Variants in PPP1R9A observed in about 807,000 individuals in gnomAD.
PPP1R9A encodes the protein neurabin-1.
Under a neutral mutation model 141.9 loss-of-function variants are expected in PPP1R9A, and 59 were observed. The ratio of observed to expected loss-of-function variants is 0.42; its 90% CI spans 0.34 to 0.52. PPP1R9A has a LOEUF of 0.52. Ranked by LOEUF, PPP1R9A falls within the 20% of genes least tolerant of loss-of-function variation. PPP1R9A has a pLI of 0.10. For synonymous variants in PPP1R9A, 500 were observed against 569.7 expected (o/e 0.88, Z 1.74); for missense variants, 1,444 against 1,611.9 (o/e 0.90, Z 1.78).
intron 2 of PPP1R9A, among the ~76,000 whole-genome samples, chr7:94,995,975 T>C (rs1342901971): frequency 6.6e-6 from 1 of 152,186 alleles, no homozygotes; most frequent in Non-Finnish European, 1.5e-5. Context: ...TGGATCTTGC[T>C]TTAAAAAGTT....
At chr7:95,064,110 T>C (rs1417126768) in intron 2 of PPP1R9A, among the ~76,000 whole-genome samples, 1 of 152,214 alleles carries the variant, frequency 6.6e-6, no homozygotes, top group Non-Finnish European at 1.5e-5. Context: ...ATTTAAGTTC[T>C]GTAAAGTCAC....
At chr7:95,177,236 GA>G (rs1833034955) in intron 5 of PPP1R9A, among the ~76,000 whole-genome samples, 2 of 151,990 alleles carry the variant, frequency 1.3e-5, no homozygotes, top group Non-Finnish European at 2.9e-5. Flanking sequence ...ACAAAACAAT[GA>G]TCACCCAAGA....
Position 95,195,285 on chromosome 7 carries a change from T to G in PPP1R9A, c.1755-3064T>G, listed in dbSNP as rs1404308449. On this transcript the variant is annotated intron_variant, in intron 5 of 19. Transcript: ENST00000433360. ...ATAGGAAGCAAAAGCCATCAGTTTT[T>G]TTTTTTTTTTCTTGAGACAGGGTCT... 3.3e-5 allele frequency among the ~76,000 whole-genome samples: 5 copies of G among 151,762 alleles called. No homozygotes were observed. The South Asian group carries it at 8.3e-4, about 25-fold the overall frequency.
intron 16 of PPP1R9A, among the ~76,000 whole-genome samples, chr7:95,278,815 G>T (rs1803646785): frequency 6.6e-6 from 1 of 152,036 alleles, no homozygotes; most frequent in Admixed American, 6.6e-5. Flanking sequence ...ATGTCAATAT[G>T]GTTAAAAGCC....
chr7:95,084,972 A>G (rs1005987441), intron 2 of PPP1R9A, among the ~76,000 whole-genome samples: 2 of 151,890 alleles, frequency 1.3e-5, no homozygotes, highest in Non-Finnish European at 2.9e-5. Flanking sequence ...TCGTATATGT[A>G]TCTTTACCGT....
intron 2 of PPP1R9A, among the ~76,000 whole-genome samples, chr7:95,046,017 A>G (rs1809954947): frequency 6.6e-6 from 1 of 151,340 alleles, no homozygotes; most frequent in Non-Finnish European, 1.5e-5. Flanking sequence ...ATTAGGTAGT[A>G]TTTCTTTTCT....
chr7:95,275,277 G>A (rs750317603), intron 16 of PPP1R9A, among the ~76,000 whole-genome samples: 22 of 151,884 alleles, frequency 1.4e-4, no homozygotes, highest in Non-Finnish European at 2.4e-4. Flanking sequence ...GCGTGGTGGC[G>A]CACACCTGTA....
intron 3 of PPP1R9A, 87 bp from the exon 4 acceptor site, chr7:95,120,625 G>T: frequency 7.1e-7 from 1 of 1,411,248 alleles, no homozygotes; most frequent in Non-Finnish European, 9.6e-7. Context: ...AATAAAATTA[G>T]AAACAGCAAG....
intron 17 of PPP1R9A, among the ~76,000 whole-genome samples, chr7:95,285,927 C>A (rs1016574135): frequency 2.0e-5 from 3 of 152,174 alleles, no homozygotes; most frequent in Non-Finnish European, 4.4e-5. Flanking sequence ...TTCCTCTGAG[C>A]AGTTGCAGAG....
chr7:95,117,274 C>G (rs1002807894), intron 3 of PPP1R9A, among the ~76,000 whole-genome samples: 2 of 151,838 alleles, frequency 1.3e-5, no homozygotes, highest in Admixed American at 1.3e-4. Flanking sequence ...CAGCTGGGTT[C>G]TCGATGGGTC....
At chr7:95,015,506 A>G (rs1346778642) in intron 2 of PPP1R9A, among the ~76,000 whole-genome samples, 4 of 152,124 alleles carry the variant, frequency 2.6e-5, no homozygotes, top group Non-Finnish European at 5.9e-5. Context: ...TCAGTGAACT[A>G]GAAGATAGAT....
chr7:95,107,063 T>C (rs1819634485), intron 2 of PPP1R9A, among the ~76,000 whole-genome samples: 1 of 152,194 alleles, frequency 6.6e-6, no homozygotes, highest in South Asian at 2.1e-4. Flanking sequence ...ATTACAGGCA[T>C]GAGCCACTGT....
At chr7:94,975,144 A>G (rs989307630) in intron 2 of PPP1R9A, among the ~76,000 whole-genome samples, 7 of 152,232 alleles carry the variant, frequency 4.6e-5, no homozygotes, top group African/African-American at 1.7e-4. Flanking sequence ...TTAGTATATA[A>G]CATACTCTGG....
chr7:95,068,716 TGTG>T (rs142839749), intron 2 of PPP1R9A, among the ~76,000 whole-genome samples: 15,214 of 151,960 alleles, frequency 0.1, 1,200 homozygotes, highest in African/African-American at 0.22. Context: ...TCAGCATCCC[TGTG>T]GTGGATAGTG....
At chr7:95,074,574 A>G (rs1006794126) in intron 2 of PPP1R9A, among the ~76,000 whole-genome samples, 2 of 151,156 alleles carry the variant, frequency 1.3e-5, no homozygotes, top group Admixed American at 1.3e-4. Context: ...TCCCAGGTTC[A>G]AGTGATTCTG....
chr7:94,967,207 T>G (rs1430483520), intron 2 of PPP1R9A, among the ~76,000 whole-genome samples: 3 of 152,186 alleles, frequency 2.0e-5, no homozygotes, highest in Admixed American at 6.5e-5. Flanking sequence ...TCTTATCCCT[T>G]TTTTTCTTTA....
rs114649110 is a variant in PPP1R9A, at chr7:94,991,269, A to G, written c.1395+79761A>G. ...AATTGTTTTGATTTGTAATTCCCTG[A>G]TGATTAGTGATGTTGAGCATTTTTT... On this transcript the variant is annotated intron_variant, in intron 2 of 19. Transcript: ENST00000433360. Among the ~76,000 whole-genome samples, 980 of 152,244 alleles carry G rather than the reference A, an allele frequency of 6.4e-3. 11 individuals carry two copies. Among genetic ancestry groups the G allele is most frequent in the African/African-American group, 0.022 (930 of 41,562 alleles).
chr7:95,295,128 C>T lies in PPP1R9A; in HGVS notation c.*4825C>T, dbSNP rs1806925674. 1 of 152,614 alleles carries T rather than the reference C, an allele frequency of 6.6e-6. No homozygotes were observed. Among genetic ancestry groups the T allele is most frequent in the Non-Finnish European group, 1.5e-5 (1 of 68,034 alleles). 9.5% of individuals were successfully genotyped at this position (152,614 alleles called of 1,614,324 possible). On this transcript the variant is annotated 3_prime_UTR_variant, in exon 20 of 20. Coordinates refer to ENST00000433360, the MANE Select transcript of PPP1R9A (RefSeq NM_001166160.2). ...CACTCCCACCTTACACACGCACACA[C>T]ACTGCAATCACATGGCATTAAAAAA...
Position 95,120,760 on chromosome 7 carries a change from A to T in PPP1R9A, c.1577A>T (p.Asp526Val). 1 of 1,614,082 alleles carries T rather than the reference A, an allele frequency of 6.2e-7. No individual in the cohort carries two copies. Among genetic ancestry groups the T allele is most frequent in the Non-Finnish European group, 8.5e-7 (1 of 1,179,956 alleles). The change falls in exon 4 of 20, where the codon GAT becomes GTT. Residue 526 changes from aspartate to valine, a missense_variant. Around this residue, in one of 5 missense-constraint regions of PPP1R9A, gnomAD observed 488 missense variants for 542.0 expected, o/e 0.90. Coordinates refer to ENST00000433360, the MANE Select transcript of PPP1R9A (RefSeq NM_001166160.2). ...ATTATTGGAATGGGTGTTGGAGCAGATGCTGGACTTGAAAAGCTGGGAATA... is the reference window on the plus strand; with the variant it reads ...ATTATTGGAATGGGTGTTGGAGCAGTTGCTGGACTTGAAAAGCTGGGAATA... ...ISIIGMGVGA[D>V]AGLEKLGIFV...
Sources: gnomAD v4.1 joint callset for allele counts (sites outside exome capture counted in the v4.1 genomes callset) on GRCh38, gnomAD v4.1.1 for gene constraint, gnomAD v4.1.1 regional missense constraint, MANE v1.5 for transcripts, NCBI Gene and HGNC (gene_info 2026-07-23, HGNC 2026-07-21) for gene names.